Variants in SLC30A8 observed in about 807,000 individuals in gnomAD.
The protein encoded by SLC30A8 is solute carrier family 30 member 8, also known as proton-coupled zinc antiporter SLC30A8.
A neutral mutation model predicts 36.9 loss-of-function variants in SLC30A8; 27 were observed. The observed-to-expected ratio is 0.73, with a 90% CI of 0.54 to 1.01. SLC30A8 has a LOEUF of 1.01. Ranked by LOEUF, SLC30A8 falls within the 50% of genes least tolerant of loss-of-function variation. The pLI is 0.00. For synonymous variants in SLC30A8, 164 were observed against 172.4 expected (o/e 0.95, Z 0.38); for missense variants, 439 against 452.0 (o/e 0.97, Z 0.26).
chr8:117,071,215 AT>A (rs753013680), intron 2 of SLC30A8, among the ~76,000 whole-genome samples: 1 of 151,210 alleles, frequency 6.6e-6, no homozygotes, highest in Non-Finnish European at 1.5e-5. Flanking sequence ...CTTATTGTCC[AT>A]TTTTTTGTTG....
At chr8:117,084,145 C>T (rs1402653102) in intron 2 of SLC30A8, among the ~76,000 whole-genome samples, 2 of 152,086 alleles carry the variant, frequency 1.3e-5, no homozygotes, top group East Asian at 3.9e-4. Flanking sequence ...CAACAAGGCT[C>T]CTTATTTTTC....
At chr8:117,002,669 A>G (rs1816051237) in intron 1 of SLC30A8, among the ~76,000 whole-genome samples, 2 of 152,104 alleles carry the variant, frequency 1.3e-5, no homozygotes, top group Admixed American at 6.6e-5. Context: ...CAGTGGCGCA[A>G]TCTTGGCTCA....
intron 2 of SLC30A8, among the ~76,000 whole-genome samples, chr8:117,080,052 G>C (rs969754499): frequency 6.6e-6 from 1 of 152,154 alleles, no homozygotes; most frequent in Non-Finnish European, 1.5e-5. Context: ...ATGGAGTACA[G>C]ACAAGGAGCG....
chr8:116,952,629 A>AG (rs1814034737), intron 1 of SLC30A8, among the ~76,000 whole-genome samples: 1 of 152,014 alleles, frequency 6.6e-6, no homozygotes, highest in Non-Finnish European at 1.5e-5. Context: ...GTTTTCTTAG[A>AG]GAAAAAAAGT....
intron 2 of SLC30A8, among the ~76,000 whole-genome samples, chr8:117,125,317 C>T (rs1820858067): frequency 6.6e-6 from 1 of 151,892 alleles, no homozygotes; most frequent in South Asian, 2.1e-4. Flanking sequence ...ATTCTTTCTC[C>T]ATTTTACATG....
At chr8:117,070,508 A>C (rs959903694) in intron 2 of SLC30A8, among the ~76,000 whole-genome samples, 5 of 152,208 alleles carry the variant, frequency 3.3e-5, no homozygotes, top group African/African-American at 1.2e-4. Flanking sequence ...TTCCCATGAC[A>C]TCACTTCTGT....
intron 1 of SLC30A8, among the ~76,000 whole-genome samples, chr8:117,027,471 CT>C (rs1197821109): frequency 2.0e-5 from 3 of 152,008 alleles, no homozygotes; most frequent in Admixed American, 1.3e-4. Flanking sequence ...AATTATTTTG[CT>C]TTTTTTTGTT....
At chr8:117,149,289 GTGTTA>G (rs553758429) in intron 2 of SLC30A8, among the ~76,000 whole-genome samples, 349 of 152,262 alleles carry the variant, frequency 2.3e-3, no homozygotes, top group African/African-American at 7.9e-3. Context: ...TGTTTGAGGT[GTGTTA>G]TGTTAAGAGA....
chr8:117,163,386 A>G (rs1232167117), intron 5 of SLC30A8, 39 bp from the exon 6 acceptor site: 2 of 1,425,550 alleles, frequency 1.4e-6, no homozygotes, highest in South Asian at 1.2e-5. Flanking sequence ...AAAGAGAGGT[A>G]TGAATTCAGT....
At chr8:117,036,954 C>G (rs1475739180) in intron 1 of SLC30A8, among the ~76,000 whole-genome samples, 1 of 152,146 alleles carries the variant, frequency 6.6e-6, no homozygotes, top group Non-Finnish European at 1.5e-5. Context: ...CCATGTCTGT[C>G]TTAGCCCTGC....
intron 6 of SLC30A8, among the ~76,000 whole-genome samples, chr8:117,169,612 A>G (rs1823261781): frequency 6.6e-6 from 1 of 152,084 alleles, no homozygotes; most frequent in Non-Finnish European, 1.5e-5. Flanking sequence ...TTATAAAGAA[A>G]ATAAGGTTAA....
chr8:117,061,534 A>G lies in SLC30A8; in HGVS notation c.-226+22276A>G, dbSNP rs1158613272. On this transcript the variant is annotated intron_variant, in intron 2 of 10. Transcript: ENST00000427715. ...TCAAGAAGTTCATAAAATGTATCCT[A>G]GGCTGTTTCCATTTAAACATGGAAA... Among the ~76,000 whole-genome samples the G allele has an allele frequency of 3.3e-5, 5 of 152,218 alleles. No homozygotes were observed. The East Asian group carries it at 9.6e-4, about 29-fold the overall frequency.
intron 1 of SLC30A8, among the ~76,000 whole-genome samples, chr8:116,955,467 C>T (rs1277878301): frequency 1.3e-5 from 2 of 152,090 alleles, no homozygotes; most frequent in African/African-American, 4.8e-5. Context: ...CGGTGGCTCA[C>T]ACCTGTAAAC....
chr8:117,082,177 G>A (rs1278005690), intron 2 of SLC30A8, among the ~76,000 whole-genome samples: 1 of 152,162 alleles, frequency 6.6e-6, no homozygotes, highest in African/African-American at 2.4e-5. Flanking sequence ...TAAAGTAGGT[G>A]AATAGCTACT....
intron 1 of SLC30A8, among the ~76,000 whole-genome samples, chr8:116,959,986 T>C (rs1295716694): frequency 6.6e-6 from 1 of 152,242 alleles, no homozygotes; most frequent in Admixed American, 6.5e-5. Context: ...CTCTATCTCT[T>C]CAACTCAGAG....
intron 6 of SLC30A8, among the ~76,000 whole-genome samples, chr8:117,169,598 T>A (rs1415813187): frequency 6.6e-6 from 1 of 152,238 alleles, no homozygotes; most frequent in South Asian, 2.1e-4. Flanking sequence ...TGAGACTGGA[T>A]AATTTATAAA....
chr8:117,161,633 A>G (rs769988518), intron 4 of SLC30A8, 105 bp from the exon 5 acceptor site: 2 of 1,042,620 alleles, frequency 1.9e-6, no homozygotes, highest in Non-Finnish European at 2.8e-6. Context: ...TATTTCAACT[A>G]TCCATCATTT....
intron 1 of SLC30A8, among the ~76,000 whole-genome samples, chr8:116,995,621 C>G (rs1203030143): frequency 1.3e-5 from 2 of 152,006 alleles, no homozygotes; most frequent in Non-Finnish European, 2.9e-5. Context: ...AGGGGAGGCA[C>G]TGAATGTATT....
At chr8:116,972,533 A>G (rs1586344624) in intron 1 of SLC30A8, among the ~76,000 whole-genome samples, 1 of 152,264 alleles carries the variant, frequency 6.6e-6, no homozygotes, top group East Asian at 1.9e-4. Context: ...CACCTTCAGC[A>G]GACCTAAGCT....
Sources: gnomAD v4.1 joint callset for allele counts (sites outside exome capture counted in the v4.1 genomes callset) on GRCh38, gnomAD v4.1.1 for gene constraint, MANE v1.5 for transcripts, NCBI Gene and HGNC (gene_info 2026-07-23, HGNC 2026-07-21) for gene names.